The following RNF217 variants were observed in gnomAD, a reference collection of about 807,000 sequenced individuals.
RNF217 encodes E3 ubiquitin-protein ligase RNF217.
In RNF217, 31 loss-of-function variants were observed where a neutral mutation model predicts 57.8. The ratio of observed to expected loss-of-function variants is 0.54; its 90% confidence interval spans 0.40 to 0.72. The LOEUF (loss-of-function observed/expected upper bound fraction) is 0.72. RNF217 is among the 30% of genes least tolerant of loss of function. The pLI, the probability that RNF217 is intolerant of heterozygous loss-of-function variation, is 0.00. For missense variants in RNF217, 696 were observed against 708.3 expected, an observed-to-expected ratio of 0.98 and a Z score of 0.20; for synonymous variants, 313 against 294.0, an observed-to-expected ratio of 1.06 and a Z score of -0.66.
chr6:125,015,526 T>TA (rs1785568508), intron 1 of RNF217, among the ~76,000 whole-genome samples: 1 of 152,058 alleles, frequency 6.6e-6, no homozygotes, highest in African/African-American at 2.4e-5. Context: ...CTTTAAGCTA[T>TA]TTTAGAAAAG....
chr6:125,025,593 A>T (rs1367093433), intron 1 of RNF217, among the ~76,000 whole-genome samples: 4 of 137,628 alleles, frequency 2.9e-5, no homozygotes, highest in Non-Finnish European at 6.3e-5. Flanking sequence ...GGAGGGAGGG[A>T]GGGATATTTC....
chr6:124,996,138 C>G (rs750880797), intron 1 of RNF217, among the ~76,000 whole-genome samples: 1 of 152,126 alleles, frequency 6.6e-6, no homozygotes, highest in African/African-American at 2.4e-5. Context: ...ACTCGCTCCA[C>G]AGCTGATGAA....
chr6:125,026,591 G>T (rs1018033948), intron 1 of RNF217, among the ~76,000 whole-genome samples: 2 of 152,090 alleles, frequency 1.3e-5, no homozygotes, highest in Non-Finnish European at 2.9e-5. Context: ...ATGACAAAAG[G>T]TATTCCTGTT....
At chr6:125,062,387 A>G (rs1408576538) in intron 3 of RNF217, among the ~76,000 whole-genome samples, 1 of 152,102 alleles carries the variant, frequency 6.6e-6, no homozygotes, top group African/African-American at 2.4e-5. Flanking sequence ...ATCAGGATGA[A>G]CATTAAAATT....
At chr6:125,007,249 ATT>A (rs35223447) in intron 1 of RNF217, among the ~76,000 whole-genome samples, 11,679 of 142,554 alleles carry the variant, frequency 0.082, 1,569 homozygotes, top group African/African-American at 0.29. Context: ...CACTTTGAGC[ATT>A]TTTTTTTTTT....
intron 1 of RNF217, among the ~76,000 whole-genome samples, chr6:124,965,224 T>C (rs1287332088): frequency 6.6e-6 from 1 of 152,188 alleles, no homozygotes; most frequent in Non-Finnish European, 1.5e-5. Flanking sequence ...TTTCTGATTG[T>C]ATGTATGTGC....
intron 1 of RNF217, among the ~76,000 whole-genome samples, chr6:125,002,705 C>T (rs768877365): frequency 2.6e-5 from 4 of 152,024 alleles, no homozygotes; most frequent in South Asian, 2.1e-4. Flanking sequence ...TGATAGTGTC[C>T]GTGTGATTTT....
chr6:124,990,785 T>C (rs758034241), intron 1 of RNF217, among the ~76,000 whole-genome samples: 6 of 152,090 alleles, frequency 3.9e-5, no homozygotes, highest in African/African-American at 9.7e-5. Context: ...TGAAGCCAAA[T>C]TGGGCATGGT....
chr6:125,045,142 A>G, intron 1 of RNF217, 69 bp from the exon 2 acceptor site: 1 of 954,044 alleles, frequency 1.0e-6, no homozygotes, highest in South Asian at 1.6e-5. Flanking sequence ...AATACTGTAT[A>G]CAAAAAAAAA....
intron 1 of RNF217, among the ~76,000 whole-genome samples, chr6:124,991,581 A>C (rs2115043868): frequency 6.6e-6 from 1 of 152,272 alleles, no homozygotes; most frequent in Admixed American, 6.5e-5. Flanking sequence ...CATGAGGATA[A>C]GAATTTTGTT....
At position 125,058,000 on chromosome 6, in the gene RNF217, A is replaced by C. The variant is rs1039112740; in HGVS notation, c.1175A>C (p.Glu392Ala). 6.2e-7 allele frequency: 1 copy of C among 1,612,888 alleles called. No individual in the cohort carries two copies. The highest frequency in any genetic ancestry group is 8.5e-7 in the Non-Finnish European group (1 of 1,179,404). Residue 392 changes from glutamate (E) to alanine (A), a missense_variant, in exon 3 of 6, where the codon GAA becomes GCA. Coordinates refer to ENST00000521654, the MANE Select transcript of RNF217 (RefSeq NM_001286398.3). ...TTTAAGTGCCACTCTCCTTGGCATG[A>C]AGGTGTTAACTGCAAGGAGTACAAA... ...WCFKCHSPWH[E>A]GVNCKEYKKG...
chr6:124,982,304 T>G (rs1001555686), intron 1 of RNF217, among the ~76,000 whole-genome samples: 12 of 152,168 alleles, frequency 7.9e-5, no homozygotes, highest in Non-Finnish European at 1.5e-4. Flanking sequence ...TTGCAAGAAG[T>G]TTCTCTGTAA....
chr6:125,041,318 C>T (rs1282969877), intron 1 of RNF217, among the ~76,000 whole-genome samples: 3 of 152,062 alleles, frequency 2.0e-5, no homozygotes, highest in African/African-American at 7.2e-5. Context: ...TGGGAAGAGC[C>T]ATTGAATCCA....
At chr6:124,995,602 C>T (rs1405097815) in intron 1 of RNF217, among the ~76,000 whole-genome samples, 2 of 151,966 alleles carry the variant, frequency 1.3e-5, no homozygotes, top group Non-Finnish European at 2.9e-5. Flanking sequence ...GAATATAACC[C>T]GATTTACTTA....
chr6:125,053,956 T>C (rs1169464781), intron 2 of RNF217, among the ~76,000 whole-genome samples: 1 of 152,142 alleles, frequency 6.6e-6, no homozygotes, highest in East Asian at 1.9e-4. Context: ...ATATAGGAAT[T>C]AGTAATACTA....
intron 1 of RNF217, among the ~76,000 whole-genome samples, chr6:124,964,971 A>T (rs1056548891): frequency 6.6e-6 from 1 of 152,202 alleles, no homozygotes; most frequent in Non-Finnish European, 1.5e-5. Context: ...ACATTCCAGA[A>T]ATTCAAGGGA....
rs779725195 is a variant in RNF217 at position 125,081,466 on chromosome 6, T to C, written c.1514T>C (p.Met505Thr). The C allele has an allele frequency of 3.1e-6, 5 of 1,611,446 alleles. No individual in the cohort carries two copies. The highest frequency in any genetic ancestry group is 1.3e-5 in the African/African-American group (1 of 74,798). ...AGKLFIAPLI[M>T]VLGLALGAIA... ...AAATTATTCATTGCACCTCTAATTA[T>C]GGTTTTGGGATTGGCACTAGGGGCC... Residue 505 changes from methionine (M) to threonine (T), a missense_variant, in exon 5 of 6, where the codon ATG (methionine) becomes ACG (threonine). Met to Thr is a moderately conservative substitution (Grantham distance 81). Transcript: ENST00000521654.
At position 125,086,789 on chromosome 6, in the gene RNF217, T is replaced by C. The variant is rs1050158564; in HGVS notation, c.*3852T>C. ...ACACAAGTCAGGTTACAACATGATA[T>C]CTTTAATTGTACTTTCTCTGCTGTG... On this transcript the variant is annotated 3_prime_UTR_variant, in exon 6 of 6. Transcript: ENST00000521654. 2 of 152,084 alleles carry C rather than the reference T, an allele frequency of 1.3e-5. No homozygotes were observed. Among genetic ancestry groups the C allele is most frequent in the Non-Finnish European group, 1.5e-5 (1 of 67,998 alleles). The allele number at this position is 152,084 out of a possible 1,614,324, so 9.4% of individuals were successfully genotyped here.
chr6:125,037,828 A>G (rs1260934378), intron 1 of RNF217, among the ~76,000 whole-genome samples: 2 of 152,200 alleles, frequency 1.3e-5, no homozygotes, highest in Non-Finnish European at 2.9e-5. Context: ...TTTTCAAAAC[A>G]GAGGAAATAT....
Sources: gnomAD v4.1 joint callset for allele counts (sites outside exome capture counted in the v4.1 genomes callset) on GRCh38, gnomAD v4.1.1 for gene constraint, MANE v1.5 for transcripts, NCBI Gene and HGNC (gene_info 2026-07-23, HGNC 2026-07-21) for gene names.